IQANK1: variants seen among roughly 807,000 people sequenced by gnomAD.
IQANK1 encodes IQ motif and ankyrin repeat domain-containing protein 1.
In IQANK1, 30 loss-of-function variants were observed where a neutral mutation model predicts 22.6. The observed-to-expected ratio is 1.33, with a 90% confidence interval of 0.99 to 1.80. The LOEUF (loss-of-function observed/expected upper bound fraction) is 1.80. Ranked by LOEUF, IQANK1 falls within the 40% of genes most tolerant of loss-of-function variation. The pLI, the probability that IQANK1 is intolerant of heterozygous loss-of-function variation, is 0.00. For synonymous variants in IQANK1, 122 were observed against 99.6 expected, an observed-to-expected ratio of 1.23 and a Z score of -1.34; for missense variants, 275 against 235.2, an observed-to-expected ratio of 1.17 and a Z score of -1.11.
chr8:143,742,908 C>T (rs1554626788), intron 3 of IQANK1: 3 of 456,116 alleles, frequency 6.6e-6, no homozygotes, highest in South Asian at 3.1e-5. Context: ...TGGACGGAGG[C>T]ACAGGTGCCA....
chr8:143,755,794 G>A (rs1354000581), intron 3 of IQANK1, among the ~76,000 whole-genome samples: 1 of 152,226 alleles, frequency 6.6e-6, no homozygotes, highest in African/African-American at 2.4e-5. Context: ...GTTCAGTGTG[G>A]TCAGCCTGCT....
At chr8:143,740,541 C>G (rs891216856) in intron 3 of IQANK1, among the ~76,000 whole-genome samples, 2 of 152,282 alleles carry the variant, frequency 1.3e-5, no homozygotes, top group South Asian at 4.1e-4. Flanking sequence ...GCTGCCTGCC[C>G]TCCTGCTTCT....
intron 8 of IQANK1, 57 bp from the exon 9 acceptor site, chr8:143,789,132 G>T: frequency 2.5e-6 from 1 of 401,610 alleles, no homozygotes; most frequent in Admixed American, 4.4e-5. Context: ...CCCGGGCAGG[G>T]GGTGCTGGTG....
intron 7 of IQANK1, among the ~76,000 whole-genome samples, chr8:143,779,268 C>T (rs1006971401): frequency 7.9e-5 from 12 of 152,258 alleles, no homozygotes; most frequent in South Asian, 6.2e-4. Flanking sequence ...CATTCATACA[C>T]GCATTCATGC....
intron 7 of IQANK1, among the ~76,000 whole-genome samples, chr8:143,772,939 C>T (rs985487108): frequency 3.9e-5 from 6 of 152,324 alleles, no homozygotes; most frequent in African/African-American, 1.4e-4. Context: ...CGTCGGTTTT[C>T]CAGAGAACTT....
chr8:143,788,578 G>C (rs918894986), intron 7 of IQANK1, among the ~76,000 whole-genome samples: 2 of 152,244 alleles, frequency 1.3e-5, no homozygotes, highest in Non-Finnish European at 2.9e-5. Flanking sequence ...GGCCTCAGGC[G>C]TGTACTTGAG....
At chr8:143,736,824 T>C (rs1818750326) in intron 2 of IQANK1, among the ~76,000 whole-genome samples, 1 of 138,138 alleles carries the variant, frequency 7.2e-6, no homozygotes, top group African/African-American at 2.6e-5. Context: ...CTGTTGTCAC[T>C]CCCTTGCTCC....
At chr8:143,754,687 C>G (rs1241142241) in intron 3 of IQANK1, among the ~76,000 whole-genome samples, 1 of 151,884 alleles carries the variant, frequency 6.6e-6, no homozygotes, top group Non-Finnish European at 1.5e-5. Flanking sequence ...GTGCAGTGGC[C>G]TGATCTCAGC....
At position 143,771,735 on chromosome 8, in the gene IQANK1, G is replaced by A. The variant is rs1554629794; in HGVS notation, c.307-66G>A. On this transcript the variant is annotated intron_variant, in intron 4 of 13. Coordinates refer to ENST00000527139, the MANE Select transcript of IQANK1 (RefSeq NM_001381874.1). The surrounding 1 kb of genome is among the most constrained non-coding windows in gnomAD (Gnocchi z 6.0). ...ATCGGGCTCCGACCTCAGAGGCGTGGACCGTGGCCTCGGGGCTCGGGGCGG... is the reference window on the plus strand; with the variant it reads ...ATCGGGCTCCGACCTCAGAGGCGTGAACCGTGGCCTCGGGGCTCGGGGCGG... The A allele has an allele frequency of 9.8e-5, 39 of 397,288 alleles. No homozygotes were observed. The highest frequency in any genetic ancestry group is 4.4e-6 in the Non-Finnish European group (1 of 225,552). 24.6% of individuals were successfully genotyped at this position (397,288 alleles called of 1,614,324 possible). A position where few individuals can be genotyped will look rare whatever the true frequency, so the allele number is the denominator to read the frequency against.
intron 3 of IQANK1, among the ~76,000 whole-genome samples, chr8:143,756,995 T>C (rs1276388848): frequency 1.3e-5 from 2 of 151,762 alleles, no homozygotes; most frequent in South Asian, 2.1e-4. Flanking sequence ...AAAAGTCTTA[T>C]GCAGAAAAGA....
chr8:143,773,934 G>A (rs1554630077), intron 7 of IQANK1, among the ~76,000 whole-genome samples: 2 of 152,196 alleles, frequency 1.3e-5, no homozygotes. Flanking sequence ...AGCTGGGGGT[G>A]CTGGGGGAGC....
At position 143,784,233 on chromosome 8, in the gene IQANK1, C is replaced by T. The variant is rs139397621; in HGVS notation, c.790-4682C>T. The stretch of plus-strand genomic sequence containing the variant: ...TAATCCTCAGTGTTGCAGGAGGGGC[C>T]TGGGGGGAGGTGATTGGATCACGGG... On this transcript the variant is annotated intron_variant, in intron 7 of 13. Coordinates refer to ENST00000527139, the MANE Select transcript of IQANK1 (RefSeq NM_001381874.1). 2.6e-5 allele frequency among the ~76,000 whole-genome samples: 4 copies of T among 151,966 alleles called. No homozygotes were observed. The East Asian group carries it at 7.8e-4, about 29-fold the overall frequency.
chr8:143,736,284 C>T (rs1251677790), intron 2 of IQANK1, among the ~76,000 whole-genome samples: 1 of 151,998 alleles, frequency 6.6e-6, no homozygotes, highest in African/African-American at 2.4e-5. Flanking sequence ...GGATTATGGA[C>T]GTGCGCCACC....
In IQANK1 at chr8:143,755,410, C is replaced by T. The variant is rs187264239; in HGVS notation, c.175+15462C>T. 2.3e-4 allele frequency among the ~76,000 whole-genome samples: 35 copies of T among 152,306 alleles called. No individual in the cohort carries two copies. The East Asian group carries it at 6.4e-3, about 28-fold the overall frequency. On this transcript the variant is annotated intron_variant, in intron 3 of 13. Coordinates refer to ENST00000527139, the MANE Select transcript of IQANK1 (RefSeq NM_001381874.1). ...GACGGAGTCTTGCTCTGTCCCCAGGCTGGAGTACAATGACGTGATCTTAGC... is the reference window on the plus strand; with the variant it reads ...GACGGAGTCTTGCTCTGTCCCCAGGTTGGAGTACAATGACGTGATCTTAGC...
chr8:143,761,484 A>C (rs1554628880), intron 3 of IQANK1, among the ~76,000 whole-genome samples: 1 of 152,166 alleles, frequency 6.6e-6, no homozygotes, highest in African/African-American at 2.4e-5. Flanking sequence ...CATAATGATA[A>C]CTCGGCCTGG....
At chr8:143,755,136 A>G (rs1376888213) in intron 3 of IQANK1, among the ~76,000 whole-genome samples, 1 of 152,164 alleles carries the variant, frequency 6.6e-6, no homozygotes, top group Non-Finnish European at 1.5e-5. Flanking sequence ...GATTCAAAGC[A>G]TATACTGCAT....
In IQANK1 at chr8:143,762,353, A is replaced by C. The variant is rs79547874; in HGVS notation, c.176-9135A>C. 3.9e-5 allele frequency among the ~76,000 whole-genome samples: 6 copies of C among 152,280 alleles called. No homozygotes were observed. In the South Asian group the frequency reaches 6.2e-4, roughly 16 times the overall value. On this transcript the variant is annotated intron_variant, in intron 3 of 13. Transcript: ENST00000527139. ...GGGAGGGAGGGAGGGAAAAGAAAAG[A>C]AAAGAAAGTTTGAGGACCACAGTGT...
rs1353479526 is a variant in IQANK1, at chr8:143,735,118, CCAAA to C, written c.-4-729_-4-726del. Among the ~76,000 whole-genome samples the C allele has an allele frequency of 6.6e-6, 1 of 152,220 alleles. No individual in the cohort carries two copies. The highest frequency in any genetic ancestry group is 2.4e-5 in the African/African-American group (1 of 41,450). On this transcript the variant is annotated intron_variant, in intron 1 of 13. Transcript: ENST00000527139. The surrounding 1 kb of genome is among the most constrained non-coding windows in gnomAD (Gnocchi z 5.2). ...AGTCCCAGTTTCATTTGTTCTTTCCCCAAACACTCAGTGCCACCCCACTGGTACC... is the reference window on the plus strand; with the variant it reads ...AGTCCCAGTTTCATTTGTTCTTTCCCCACTCAGTGCCACCCCACTGGTACC...
intron 7 of IQANK1, among the ~76,000 whole-genome samples, chr8:143,777,665 T>C (rs973052850): frequency 1.3e-5 from 2 of 152,126 alleles, no homozygotes; most frequent in Admixed American, 6.6e-5. Context: ...TGTGACAATT[T>C]AGAGCTGTAT....
Sources: allele counts gnomAD v4.1 joint callset (sites outside exome capture counted in the v4.1 genomes callset), GRCh38; gene constraint gnomAD v4.1.1; non-coding constraint Gnocchi (gnomAD v3.1); transcripts MANE v1.5; gene names NCBI Gene and HGNC (gene_info 2026-07-23, HGNC 2026-07-21).